The following NXPH1 variants were observed in gnomAD, a reference collection of about 807,000 sequenced individuals.
NXPH1 encodes neurexophilin 1, also known as neurexophilin-1.
A neutral mutation model predicts 23.7 loss-of-function variants in NXPH1; 5 were observed. The observed-to-expected ratio is 0.21, with a 90% CI of 0.11 to 0.44. NXPH1 has a LOEUF of 0.44. NXPH1 is among the 20% of genes least tolerant of loss of function. The pLI is 0.99. For missense variants in NXPH1, 324 were observed against 321.6 expected (o/e 1.01, Z -0.06); for synonymous variants, 144 against 122.2 (o/e 1.18, Z -1.18).
At chr7:8,650,107 C>G (rs747596253) in intron 2 of NXPH1, among the ~76,000 whole-genome samples, 3 of 152,066 alleles carry the variant, frequency 2.0e-5, no homozygotes, top group Non-Finnish European at 4.4e-5. Flanking sequence ...CAATTTTTAT[C>G]TTAATTTACT....
chr7:8,695,667 A>C (rs1562457258), intron 2 of NXPH1, among the ~76,000 whole-genome samples: 1 of 152,200 alleles, frequency 6.6e-6, no homozygotes, highest in East Asian at 1.9e-4. Flanking sequence ...CTTAACTTCT[A>C]ATATACTAAG....
intron 2 of NXPH1, among the ~76,000 whole-genome samples, chr7:8,696,736 G>A (rs1779526423): frequency 6.6e-6 from 1 of 151,740 alleles, no homozygotes; most frequent in Admixed American, 6.6e-5. Context: ...AGCTACTCGG[G>A]AGGCTGAGGC....
At chr7:8,471,550 AACTC>A (rs1043346167) in intron 2 of NXPH1, among the ~76,000 whole-genome samples, 65 of 152,112 alleles carry the variant, frequency 4.3e-4, no homozygotes, top group African/African-American at 1.5e-3. Context: ...CTCCCTTAGG[AACTC>A]ATTTTGTTGC....
rs150371925 is a variant in NXPH1, at chr7:8,561,394, C to G, written c.54+125627C>G. Among the ~76,000 whole-genome samples the G allele has an allele frequency of 3.9e-3, 502 of 128,430 alleles. 2 individuals carry two copies. The highest frequency in any genetic ancestry group is 0.014 in the African/African-American group (479 of 34,194). The allele number at this position is 128,430 out of a possible 152,430, so 84.3% of individuals were successfully genotyped here. On this transcript the variant is annotated intron_variant, in intron 2 of 2. Coordinates refer to ENST00000405863, the MANE Select transcript of NXPH1 (RefSeq NM_152745.3). The stretch of plus-strand genomic sequence containing the variant: ...CACACACACACACACCTCTCTCTCT[C>G]TTTTTCTCTTTCTTTTTCCCTCCCT...
At chr7:8,617,350 C>T (rs909924039) in intron 2 of NXPH1, among the ~76,000 whole-genome samples, 4 of 152,074 alleles carry the variant, frequency 2.6e-5, no homozygotes, top group African/African-American at 9.7e-5. Context: ...GAGATATTTG[C>T]ACTCCTATGT....
chr7:8,627,699 T>C (rs115860275), intron 2 of NXPH1, among the ~76,000 whole-genome samples: 48 of 152,178 alleles, frequency 3.2e-4, no homozygotes, highest in African/African-American at 9.6e-4. Flanking sequence ...TAAAAGGAGA[T>C]TTTAAAAAAT....
intron 2 of NXPH1, among the ~76,000 whole-genome samples, chr7:8,735,767 G>C (rs1562469582): frequency 6.6e-6 from 1 of 152,020 alleles, no homozygotes; most frequent in Non-Finnish European, 1.5e-5. Context: ...ATCTGGTTCT[G>C]GGCTTTTTTT....
In NXPH1 at chr7:8,442,744, A is replaced by C. The variant is rs1332946763; in HGVS notation, c.54+6977A>C. 1.3e-5 allele frequency among the ~76,000 whole-genome samples: 2 copies of C among 152,172 alleles called. No homozygotes were observed. The highest frequency in any genetic ancestry group is 2.9e-5 in the Non-Finnish European group (2 of 68,030). On this transcript the variant is annotated intron_variant, in intron 2 of 2. Transcript: ENST00000405863. This position sits in a 1 kb window ranked among gnomAD's most constrained non-coding sequence, Gnocchi z 4.6. Reference sequence around the variant, plus strand: ...CTGCTTTCAGTCGCAGGTGACCTCGAGCGATCTCGACAGGTTTATGGAAAC... The same window carrying C: ...CTGCTTTCAGTCGCAGGTGACCTCGCGCGATCTCGACAGGTTTATGGAAAC...
intron 2 of NXPH1, among the ~76,000 whole-genome samples, chr7:8,519,673 C>T (rs1424423754): frequency 2.0e-5 from 3 of 152,164 alleles, no homozygotes; most frequent in Non-Finnish European, 4.4e-5. Context: ...TCCCTCACCG[C>T]TCCTTATGTT....
At chr7:8,622,013 T>C (rs1395462531) in intron 2 of NXPH1, among the ~76,000 whole-genome samples, 2 of 152,166 alleles carry the variant, frequency 1.3e-5, no homozygotes, top group Non-Finnish European at 2.9e-5. Context: ...ATAATGGTCC[T>C]CTGCACATTT....
intron 2 of NXPH1, among the ~76,000 whole-genome samples, chr7:8,523,524 C>T (rs1817810188): frequency 6.6e-6 from 1 of 152,220 alleles, no homozygotes; most frequent in African/African-American, 2.4e-5. Flanking sequence ...CACTAATTCT[C>T]TGAATGTTCT....
intron 2 of NXPH1, among the ~76,000 whole-genome samples, chr7:8,724,175 A>G (rs1238963064): frequency 3.3e-5 from 5 of 152,172 alleles, no homozygotes; most frequent in Non-Finnish European, 7.3e-5. Context: ...AGAGTGCCTC[A>G]GCCAGCAGTT....
intron 2 of NXPH1, among the ~76,000 whole-genome samples, chr7:8,659,427 G>A (rs1820634778): frequency 6.6e-6 from 1 of 152,088 alleles, no homozygotes; most frequent in South Asian, 2.1e-4. Flanking sequence ...ATCATCTGAA[G>A]CTGTCTTCTC....
intron 2 of NXPH1, among the ~76,000 whole-genome samples, chr7:8,627,771 A>C (rs115227323): frequency 3.1e-4 from 47 of 152,276 alleles, no homozygotes; most frequent in African/African-American, 9.6e-4. Context: ...AGAAGGGTAG[A>C]AGCTGCTAGA....
rs144144445 is a variant in NXPH1 at position 8,442,467 on chromosome 7, C to T, written c.54+6700C>T. 6.6e-3 allele frequency among the ~76,000 whole-genome samples: 1,002 copies of T among 152,280 alleles called. 9 individuals are homozygous for T. The highest frequency in any genetic ancestry group is 0.022 in the African/African-American group (910 of 41,558). On this transcript the variant is annotated intron_variant, in intron 2 of 2. Transcript: ENST00000405863. The surrounding 1 kb of genome is among the most constrained non-coding windows in gnomAD (Gnocchi z 4.6). ...CGCGGCTAAGGGCGCAGGGGGAGGC[C>T]GCGCGTCCTCGCCACACCGGAAGGA...
intron 2 of NXPH1, among the ~76,000 whole-genome samples, chr7:8,748,682 C>A (rs914177535): frequency 1.3e-5 from 2 of 152,188 alleles, no homozygotes; most frequent in Non-Finnish European, 2.9e-5. Flanking sequence ...CAACTGTACT[C>A]GAGCTAGCAG....
chr7:8,566,018 G>A (rs1818539006), intron 2 of NXPH1, among the ~76,000 whole-genome samples: 1 of 151,744 alleles, frequency 6.6e-6, no homozygotes, highest in Admixed American at 6.6e-5. Flanking sequence ...GGGCACCCTG[G>A]TTACTCCAAA....
chr7:8,683,512 A>G (rs1423645108), intron 2 of NXPH1, among the ~76,000 whole-genome samples: 3 of 152,194 alleles, frequency 2.0e-5, no homozygotes, highest in East Asian at 1.9e-4. Context: ...CTGCAGTACT[A>G]CAGTGGTTGG....
chr7:8,587,452 A>G (rs1819001809), intron 2 of NXPH1, among the ~76,000 whole-genome samples: 1 of 152,122 alleles, frequency 6.6e-6, no homozygotes, highest in Non-Finnish European at 1.5e-5. Flanking sequence ...AGCTGGGACT[A>G]TAGGTGCATG....
Sources: gnomAD v4.1 joint callset for allele counts (sites outside exome capture counted in the v4.1 genomes callset) on GRCh38, gnomAD v4.1.1 for gene constraint, Gnocchi (gnomAD v3.1) non-coding constraint, MANE v1.5 for transcripts, NCBI Gene and HGNC (gene_info 2026-07-23, HGNC 2026-07-21) for gene names.